EYS: variants seen among roughly 807,000 people sequenced by gnomAD.
EYS encodes protein eyes shut homolog.
EYS carries 250 observed loss-of-function variants against 282.1 expected under a neutral mutation model. The ratio of observed to expected loss-of-function variants is 0.89; its 90% CI spans 0.80 to 0.98. EYS has a LOEUF of 0.98. Ranked by LOEUF, EYS falls within the 50% of genes least tolerant of loss-of-function variation. EYS has a pLI of 0.00. For missense variants in EYS, 4,016 were observed against 3,709.0 expected (o/e 1.08, Z -2.15); for synonymous variants, 1,355 against 1,282.9 (o/e 1.06, Z -1.20).
intron 2 of EYS, among the ~76,000 whole-genome samples, chr6:65,528,117 T>A (rs552243249): frequency 6.6e-6 from 1 of 152,144 alleles, no homozygotes; most frequent in Non-Finnish European, 1.5e-5. Context: ...GCCAATATAA[T>A]GAGATTGTAA....
chr6:63,975,890 T>C (rs1056036971), intron 35 of EYS, among the ~76,000 whole-genome samples: 39 of 152,126 alleles, frequency 2.6e-4, no homozygotes, highest in African/African-American at 8.7e-4. Context: ...TTCATCATTG[T>C]GCAAGCATCA....
chr6:65,690,583 T>C lies in EYS; in HGVS notation c.-448+16552A>G, dbSNP rs150928173. Among the ~76,000 whole-genome samples the C allele has an allele frequency of 1.7e-3, 250 of 150,164 alleles. 58 individuals are homozygous for C. In the East Asian group the frequency reaches 0.049, roughly 30 times the overall value. ...CTCATTCTGGCAGTCCAACCTGGCA[T>C]TGTCTTAACACAATCCTGCATGCAA... On this transcript the variant is annotated intron_variant, in intron 1 of 42. Coordinates refer to ENST00000503581, the MANE Select transcript of EYS (RefSeq NM_001142800.2).
At chr6:65,000,412 G>A (rs1771424963) in intron 13 of EYS, among the ~76,000 whole-genome samples, 1 of 152,148 alleles carries the variant, frequency 6.6e-6, no homozygotes, top group African/African-American at 2.4e-5. Flanking sequence ...CATATATACT[G>A]GTTGTACTGA....
chr6:64,645,487 G>C (rs184097589), intron 22 of EYS, among the ~76,000 whole-genome samples: 1 of 152,156 alleles, frequency 6.6e-6, no homozygotes, highest in Admixed American at 6.5e-5. Flanking sequence ...AAATAGTAAA[G>C]GTGTGGAATA....
intron 35 of EYS, among the ~76,000 whole-genome samples, chr6:63,904,267 A>G (rs1013056352): frequency 1.3e-5 from 2 of 152,058 alleles, no homozygotes; most frequent in African/African-American, 4.8e-5. Context: ...GTTTCCAGTA[A>G]CTCAGTCTGA....
intron 12 of EYS, among the ~76,000 whole-genome samples, chr6:65,129,483 C>T (rs1404403978): frequency 2.6e-5 from 4 of 151,640 alleles, no homozygotes; most frequent in African/African-American, 9.7e-5. Context: ...TCAAATAACC[C>T]CATTAAAAAA....
chr6:64,865,013 C>A (rs1766382874), intron 19 of EYS, among the ~76,000 whole-genome samples: 2 of 151,928 alleles, frequency 1.3e-5, no homozygotes, highest in Admixed American at 1.3e-4. Flanking sequence ...GCCTGGGCAA[C>A]AAGAAGGAAA....
At chr6:65,433,866 G>T (rs1413342846) in intron 5 of EYS, among the ~76,000 whole-genome samples, 1 of 152,074 alleles carries the variant, frequency 6.6e-6, no homozygotes, top group Non-Finnish European at 1.5e-5. Flanking sequence ...TTAACAAGTT[G>T]AAATGCCATG....
intron 35 of EYS, among the ~76,000 whole-genome samples, chr6:63,868,934 G>C (rs1409488233): frequency 1.3e-5 from 2 of 152,126 alleles, no homozygotes; most frequent in African/African-American, 4.8e-5. Context: ...GTTATTTTGT[G>C]CTGTAAGGCA....
intron 35 of EYS, among the ~76,000 whole-genome samples, chr6:63,958,341 G>A (rs1765909400): frequency 7.1e-6 from 1 of 141,128 alleles, no homozygotes; most frequent in African/African-American, 2.4e-5. Context: ...AACTATAGAG[G>A]AAGAAAATCT....
intron 22 of EYS, among the ~76,000 whole-genome samples, chr6:64,740,254 T>C (rs991418876): frequency 6.6e-6 from 1 of 152,196 alleles, no homozygotes; most frequent in African/African-American, 2.4e-5. Context: ...TTGAAATACT[T>C]TATTCTATTG....
intron 29 of EYS, among the ~76,000 whole-genome samples, chr6:64,316,933 T>C (rs1012218433): frequency 2.0e-5 from 3 of 152,098 alleles, no homozygotes. Context: ...ATCTGATCTT[T>C]GACAAACCTG....
At chr6:64,061,118 T>C (rs1273989372) in intron 33 of EYS, among the ~76,000 whole-genome samples, 1 of 152,008 alleles carries the variant, frequency 6.6e-6, no homozygotes, top group African/African-American at 2.4e-5. Flanking sequence ...TTCTCAGGAG[T>C]GTTAGTAGCA....
At chr6:65,288,160 GT>G (rs1768422202) in intron 12 of EYS, among the ~76,000 whole-genome samples, 1 of 150,934 alleles carries the variant, frequency 6.6e-6, no homozygotes, top group Non-Finnish European at 1.5e-5. Flanking sequence ...TCTATTTCCT[GT>G]TTTTCAGAAT....
intron 2 of EYS, among the ~76,000 whole-genome samples, chr6:65,620,708 C>A (rs572829213): frequency 9.9e-4 from 149 of 151,234 alleles, no homozygotes; most frequent in Non-Finnish European, 1.3e-3. Flanking sequence ...AAATTTCCCT[C>A]TACACACTGC....
intron 22 of EYS, among the ~76,000 whole-genome samples, chr6:64,760,048 A>C (rs1032786420): frequency 2.6e-5 from 4 of 152,228 alleles, no homozygotes; most frequent in African/African-American, 9.6e-5. Context: ...CTGTCATTAA[A>C]GGTACCAATT....
chr6:64,666,499 C>G (rs1769232476), intron 22 of EYS, among the ~76,000 whole-genome samples: 1 of 152,186 alleles, frequency 6.6e-6, no homozygotes, highest in Non-Finnish European at 1.5e-5. Flanking sequence ...CAATCTTTTG[C>G]TACTTGTTTA....
chr6:64,096,334 A>C (rs936086333), intron 31 of EYS, among the ~76,000 whole-genome samples: 12 of 152,110 alleles, frequency 7.9e-5, no homozygotes, highest in Middle Eastern at 3.2e-3. Flanking sequence ...TGGATAATAT[A>C]CTGCAGAGTG....
intron 31 of EYS, among the ~76,000 whole-genome samples, chr6:64,130,173 A>T (rs1773923652): frequency 6.6e-6 from 1 of 152,218 alleles, no homozygotes; most frequent in South Asian, 2.1e-4. Context: ...ATAAAGACAC[A>T]TGCACATGTA....
Sources: allele counts gnomAD v4.1 joint callset (sites outside exome capture counted in the v4.1 genomes callset), GRCh38; gene constraint gnomAD v4.1.1; transcripts MANE v1.5; gene names NCBI Gene and HGNC (gene_info 2026-07-23, HGNC 2026-07-21).